DOCK4: variants seen among roughly 807,000 people sequenced by gnomAD.
DOCK4 encodes dedicator of cytokinesis protein 4.
DOCK4 carries 97 observed loss-of-function variants against 268.1 expected under a neutral mutation model. The ratio of observed to expected loss-of-function variants is 0.36; its 90% confidence interval spans 0.31 to 0.43. The LOEUF (loss-of-function observed/expected upper bound fraction) is 0.43, where lower values mean the gene tolerates loss of function less well. Ranked by LOEUF, DOCK4 falls within the 20% of genes least tolerant of loss-of-function variation. The pLI is 1.00. For synonymous variants in DOCK4, 954 were observed against 887.2 expected (o/e 1.08, Z -1.34); for missense variants, 2,145 against 2,455.7 (o/e 0.87, Z 2.67).
intron 1 of DOCK4, among the ~76,000 whole-genome samples, chr7:112,103,611 G>T (rs1160901495): frequency 6.6e-6 from 1 of 152,220 alleles, no homozygotes; most frequent in African/African-American, 2.4e-5. Flanking sequence ...TCTGGGCGCA[G>T]TGGCTCATGC....
At chr7:112,111,056 G>T (rs753732789) in intron 1 of DOCK4, among the ~76,000 whole-genome samples, 3 of 152,174 alleles carry the variant, frequency 2.0e-5, no homozygotes, top group Non-Finnish European at 4.4e-5. Context: ...CAGAAACAGG[G>T]TGTGATCATT....
At chr7:111,956,009 C>T (rs1000544692) in intron 8 of DOCK4, among the ~76,000 whole-genome samples, 1 of 152,060 alleles carries the variant, frequency 6.6e-6, no homozygotes, top group African/African-American at 2.4e-5. Context: ...AGAGAAGTAA[C>T]CAAAAGTAGG....
rs572207213 is a variant in DOCK4, at chr7:112,032,519, T to G, written c.38-28388A>C. On this transcript the variant is annotated intron_variant, in intron 1 of 52. Transcript: ENST00000428084. Reference sequence around the variant, plus strand: ...GCTTGCTTTATTTTTAAAAAGGGCCTTTTTGTATTTTGGTATTTGTTGTAA... The same window carrying G: ...GCTTGCTTTATTTTTAAAAAGGGCCGTTTTGTATTTTGGTATTTGTTGTAA... Among the ~76,000 whole-genome samples the G allele has an allele frequency of 2.0e-5, 3 of 152,320 alleles. No homozygotes were observed. In the East Asian group the frequency reaches 5.8e-4, roughly 29 times the overall value.
chr7:112,072,336 C>T (rs989090799), intron 1 of DOCK4, among the ~76,000 whole-genome samples: 1 of 152,168 alleles, frequency 6.6e-6, no homozygotes, highest in South Asian at 2.1e-4. Flanking sequence ...TACTAAACTA[C>T]ACAAGACATT....
intron 11 of DOCK4, among the ~76,000 whole-genome samples, chr7:111,937,538 C>T (rs1794842673): frequency 6.6e-6 from 1 of 152,158 alleles, no homozygotes; most frequent in Non-Finnish European, 1.5e-5. Flanking sequence ...CCGCTGGCTG[C>T]CTCATAAAGG....
intron 13 of DOCK4, among the ~76,000 whole-genome samples, chr7:111,912,649 A>T (rs1261572624): frequency 6.6e-6 from 1 of 152,102 alleles, no homozygotes; most frequent in African/African-American, 2.4e-5. Flanking sequence ...GAGGAAAGAT[A>T]AGAAGAAAAA....
chr7:111,737,420 C>G lies in DOCK4; in HGVS notation c.5233-431G>C, dbSNP rs180753613. ...CTGGGATTACAGGCATGAGCCACCACACCTGGCCTGTGTGGAGTTCTTTGT... is the reference window on the plus strand; with the variant it reads ...CTGGGATTACAGGCATGAGCCACCAGACCTGGCCTGTGTGGAGTTCTTTGT... On this transcript the variant is annotated intron_variant, in intron 49 of 52. Coordinates refer to ENST00000428084, the MANE Select transcript of DOCK4 (RefSeq NM_001363540.2). Among the ~76,000 whole-genome samples the G allele has an allele frequency of 7.9e-3, 1,208 of 152,206 alleles. 13 individuals carry two copies. Among genetic ancestry groups the G allele is most frequent in the African/African-American group, 0.028 (1,164 of 41,516 alleles).
intron 22 of DOCK4, among the ~76,000 whole-genome samples, chr7:111,864,439 C>G (rs767715927): frequency 6.6e-6 from 1 of 152,136 alleles, no homozygotes; most frequent in Non-Finnish European, 1.5e-5. Flanking sequence ...GGGAAGGAGG[C>G]ACGAGTTTCT....
chr7:112,180,354 A>C lies in DOCK4; in HGVS notation c.37+25748T>G, dbSNP rs115639170. ...AGAAGCACAGTGCTCCTTTACATGT[A>C]AAAATAACCTCTTCACTTCTGCAGA... On this transcript the variant is annotated intron_variant, in intron 1 of 52. Coordinates refer to ENST00000428084, the MANE Select transcript of DOCK4 (RefSeq NM_001363540.2). 6.5e-3 allele frequency among the ~76,000 whole-genome samples: 986 copies of C among 152,274 alleles called. 8 individuals are homozygous for C. The highest frequency in any genetic ancestry group is 0.022 in the African/African-American group (919 of 41,540).
At position 112,205,957 on chromosome 7, in the gene DOCK4, G is replaced by A. The variant is rs560149679; in HGVS notation, c.37+145C>T. On this transcript the variant is annotated intron_variant, in intron 1 of 52. Transcript: ENST00000428084. ...GTGCGCAGCCCTCTGCCTGGAGCTGGCTCGGCAAAGCCCCGTACCAGCTGC... is the reference window on the plus strand; with the variant it reads ...GTGCGCAGCCCTCTGCCTGGAGCTGACTCGGCAAAGCCCCGTACCAGCTGC... 1.0e-5 allele frequency: 9 copies of A among 885,406 alleles called. No individual in the cohort carries two copies. In the African/African-American group the frequency reaches 1.2e-4, roughly 11 times the overall value. The allele number at this position is 885,406 out of a possible 1,614,324, so 54.8% of individuals were successfully genotyped here.
At chr7:111,866,174 T>C (rs1758613357) in intron 22 of DOCK4, among the ~76,000 whole-genome samples, 1 of 152,218 alleles carries the variant, frequency 6.6e-6, no homozygotes, top group African/African-American at 2.4e-5. Flanking sequence ...ATTGAATTAG[T>C]GGTACTGCCT....
At chr7:111,920,979 T>C (rs546498134) in intron 12 of DOCK4, among the ~76,000 whole-genome samples, 2 of 152,058 alleles carry the variant, frequency 1.3e-5, no homozygotes, top group African/African-American at 2.4e-5. Flanking sequence ...TAAAATTTCA[T>C]AAAATTTAAT....
chr7:111,736,558 G>A (rs1434087503), intron 50 of DOCK4, among the ~76,000 whole-genome samples: 1 of 151,984 alleles, frequency 6.6e-6, no homozygotes, highest in African/African-American at 2.4e-5. Flanking sequence ...ACGAAGGATG[G>A]GACCACCGAA....
At chr7:112,012,213 T>C (rs754139109) in intron 1 of DOCK4, among the ~76,000 whole-genome samples, 8 of 152,054 alleles carry the variant, frequency 5.3e-5, no homozygotes, top group Non-Finnish European at 1.0e-4. Flanking sequence ...TAATAGTAAA[T>C]AAAAAACCCT....
At chr7:111,998,888 C>CT (rs11456600) in intron 3 of DOCK4, among the ~76,000 whole-genome samples, 104,749 of 151,836 alleles carry the variant, frequency 0.69, 38,031 homozygotes, top group East Asian at 0.99. Context: ...ATGGTAGTTC[C>CT]TTTTTTTCTC....
At chr7:111,834,406 G>A (rs1242707533) in intron 26 of DOCK4, among the ~76,000 whole-genome samples, 182 bp downstream of exon 26, 1 of 152,104 alleles carries the variant, frequency 6.6e-6, no homozygotes, top group Non-Finnish European at 1.5e-5. Context: ...CTTTGCTTGA[G>A]TAATAGAAAT....
chr7:111,833,920 C>T (rs2134022812), intron 26 of DOCK4, among the ~76,000 whole-genome samples: 1 of 152,198 alleles, frequency 6.6e-6, no homozygotes, highest in African/African-American at 2.4e-5. Flanking sequence ...GTCCAGAAAA[C>T]TGAAGAGATG....
intron 52 of DOCK4, 67 bp downstream of exon 52, chr7:111,732,158 TG>T: frequency 6.7e-7 from 1 of 1,486,744 alleles, no homozygotes; most frequent in Non-Finnish European, 9.3e-7. Context: ...TTGATATATC[TG>T]GGATGAGTCT....
chr7:111,771,891 T>G (rs1798146636), intron 36 of DOCK4, among the ~76,000 whole-genome samples: 1 of 151,970 alleles, frequency 6.6e-6, no homozygotes, highest in African/African-American at 2.4e-5. Flanking sequence ...AGCTCAGGAG[T>G]TACCTTCTTT....
Sources: allele counts gnomAD v4.1 joint callset (sites outside exome capture counted in the v4.1 genomes callset), GRCh38; gene constraint gnomAD v4.1.1; transcripts MANE v1.5; gene names NCBI Gene and HGNC (gene_info 2026-07-23, HGNC 2026-07-21).